Variants in LRRIQ1 observed in about 807,000 individuals in gnomAD.
LRRIQ1 encodes leucine rich repeats and IQ motif containing 1.
Under a neutral mutation model 211.9 loss-of-function variants are expected in LRRIQ1, and 210 were observed. The observed-to-expected ratio is 0.99, with a 90% CI of 0.89 to 1.11. LRRIQ1 has a LOEUF of 1.11. Among genes scored for constraint, LRRIQ1 ranks in the 50% most tolerant of loss-of-function variants. The pLI is 0.00. For synonymous variants in LRRIQ1, 699 were observed against 650.1 expected (o/e 1.08, Z -1.14); for missense variants, 2,136 against 1,939.5 (o/e 1.10, Z -1.90).
intron 2 of LRRIQ1, 68 bp from the exon 3 acceptor site, chr12:85,040,422 T>C: frequency 1.1e-6 from 1 of 883,312 alleles, no homozygotes; most frequent in Non-Finnish European, 1.7e-6. Flanking sequence ...GAATGAAGGG[T>C]CCAAAATTTG....
rs1889243730 is a variant in LRRIQ1 at position 85,137,879 on chromosome 12, G to A, written c.4239G>A (p.Lys1413=). The change falls in exon 19 of 27, where the codon AAG becomes AAA. Residue 1413 remains lysine, a synonymous_variant. Coordinates refer to ENST00000393217, the MANE Select transcript of LRRIQ1 (RefSeq NM_001079910.2). The stretch of plus-strand genomic sequence containing the variant: ...TTTGGAAGGGCTTTATTTTGCGAAA[G>A]AAACTGACAACAGCTCTAGAGGCTA... The part of the protein sequence containing the change: ...QAVWKGFILR[K]KLTTALEAIK... 1.3e-6 allele frequency: 2 copies of A among 1,595,368 alleles called. No individual in the cohort carries two copies. The highest frequency in any genetic ancestry group is 1.7e-6 in the Non-Finnish European group (2 of 1,171,932).
chr12:85,254,265 T>G (rs1896027043), intron 1 of LRRIQ1, among the ~76,000 whole-genome samples: 1 of 152,094 alleles, frequency 6.6e-6, no homozygotes, highest in Non-Finnish European at 1.5e-5. Context: ...TCTTCATAAA[T>G]TATGCAGTCT....
At position 85,065,387 on chromosome 12, in the gene LRRIQ1, T is replaced by C; in HGVS notation, c.2517T>C (p.Cys839=). 4 of 1,609,566 alleles carry C rather than the reference T, an allele frequency of 2.5e-6. No individual in the cohort carries two copies. The highest frequency in any genetic ancestry group is 2.5e-6 in the Non-Finnish European group (3 of 1,177,280). The change falls in exon 9 of 27, where the codon TGT becomes TGC. Residue 839 remains cysteine (C), a synonymous_variant. Coordinates refer to ENST00000393217, the MANE Select transcript of LRRIQ1 (RefSeq NM_001079910.2). ...GLTSLHSLSN[C]KKLKYIDAQE... The stretch of plus-strand genomic sequence containing the variant: ...CTTCTTTGCACAGCCTGAGTAATTG[T>C]AAAAAACTTAAGTACATTGATGCAC...
At position 85,152,349 on chromosome 12, in the gene LRRIQ1, A is replaced by G; in HGVS notation, c.4399A>G (p.Asn1467Asp). The G allele has an allele frequency of 1.2e-6, 2 of 1,611,094 alleles. No homozygotes were observed. Among genetic ancestry groups the G allele is most frequent in the Non-Finnish European group, 1.7e-6 (2 of 1,178,168 alleles). ...RFPSQTLLLS[N>D]QLHWPKIPGN... ...CCCTTCACAAACACTGCTTCTTTCAAACCAGCTGCATTGGCCAAAGGTAAC... is the reference window on the plus strand; with the variant it reads ...CCCTTCACAAACACTGCTTCTTTCAGACCAGCTGCATTGGCCAAAGGTAAC... Residue 1467 changes from asparagine to aspartate, a missense_variant, in exon 20 of 27, where the codon AAC becomes GAC. Asn to Asp is a conservative substitution (Grantham distance 23). Transcript: ENST00000393217.
chr12:85,125,362 C>T (rs1015475089), intron 17 of LRRIQ1, among the ~76,000 whole-genome samples: 6 of 151,968 alleles, frequency 3.9e-5, no homozygotes, highest in Non-Finnish European at 8.8e-5. Flanking sequence ...ATCAAGTAAA[C>T]CCCCTTATAA....
At chr12:85,114,525 T>C (rs939575496) in intron 15 of LRRIQ1, among the ~76,000 whole-genome samples, 1 of 151,856 alleles carries the variant, frequency 6.6e-6, no homozygotes, top group African/African-American at 2.4e-5. Context: ...ACTTATTTTA[T>C]TGACTAAAAC....
chr12:85,229,440 T>C, intron 24 of LRRIQ1, 77 bp from the exon 25 acceptor site: 3 of 1,209,468 alleles, frequency 2.5e-6, no homozygotes, highest in Non-Finnish European at 3.4e-6. Context: ...TGATAAAATG[T>C]TTAGCACAGA....
intron 24 of LRRIQ1, among the ~76,000 whole-genome samples, chr12:85,190,823 G>T (rs891761921): frequency 2.6e-4 from 39 of 151,974 alleles, no homozygotes; most frequent in Middle Eastern, 3.4e-3. Flanking sequence ...GATAACTTCT[G>T]TTGCTGCTAA....
Position 85,098,672 on chromosome 12 carries a change from CT to C in LRRIQ1, c.3081+127del. 3 of 818,832 alleles carry C rather than the reference CT, an allele frequency of 3.7e-6. No homozygotes were observed. In the South Asian group the frequency reaches 6.5e-5, roughly 18 times the overall value. The allele number at this position is 818,832 out of a possible 1,614,324, so 50.7% of individuals were successfully genotyped here. ...TGTTCATTTTTCACCATGAAGTAAC[CT>C]TTATCAAGAATATTAAATATTATAC... On this transcript the variant is annotated intron_variant, in intron 12 of 26. Coordinates refer to ENST00000393217, the MANE Select transcript of LRRIQ1 (RefSeq NM_001079910.2).
chr12:85,055,742 A>G lies in LRRIQ1; in HGVS notation c.949A>G (p.Lys317Glu). ...IKEQIESKKRKAQEWKEKEAK... is the reference protein window; with the variant it reads ...IKEQIESKKREAQEWKEKEAK... ...AGAGCAAATTGAAAGTAAGAAAAGG[A>G]AAGCACAAGAGTGGAAGGAAAAGGA... Residue 317 changes from lysine to glutamate, a missense_variant, in exon 8 of 27, where the codon AAA (lysine) becomes GAA (glutamate). Physicochemically the swap from Lys to Glu is moderately conservative, Grantham distance 56. Coordinates refer to ENST00000393217, the MANE Select transcript of LRRIQ1 (RefSeq NM_001079910.2). 6.2e-7 allele frequency: 1 copy of G among 1,608,904 alleles called. No homozygotes were observed. Among genetic ancestry groups the G allele is most frequent in the Non-Finnish European group, 8.5e-7 (1 of 1,178,120 alleles).
At chr12:85,113,991 A>G (rs558821192) in intron 15 of LRRIQ1, among the ~76,000 whole-genome samples, 4 of 150,702 alleles carry the variant, frequency 2.7e-5, no homozygotes, top group African/African-American at 7.4e-5. Flanking sequence ...TGCACTGGGT[A>G]TAGGACCCCC....
rs112324259 is a variant in LRRIQ1, at chr12:85,098,920, C to T, written c.3135C>T (p.Asn1045=). Residue 1045 remains asparagine (N), a synonymous_variant, in exon 13 of 27, where the codon AAC becomes AAT. Coordinates refer to ENST00000393217, the MANE Select transcript of LRRIQ1 (RefSeq NM_001079910.2). ...TAAGAGAATTGCACTTGGATGATAA[C>T]AGCATTTCAACTGTGGAAGCATTTT... ...VLLRELHLDD[N]SISTVEAFSS... 4.5e-6 allele frequency: 7 copies of T among 1,572,850 alleles called. No individual in the cohort carries two copies. The highest frequency in any genetic ancestry group is 2.7e-5 in the African/African-American group (2 of 73,182).
chr12:85,164,850 T>C (rs1891072253), intron 24 of LRRIQ1, among the ~76,000 whole-genome samples: 1 of 152,260 alleles, frequency 6.6e-6, no homozygotes, highest in Non-Finnish European at 1.5e-5. Context: ...CAGGTAACCA[T>C]GAAATTTATA....
intron 26 of LRRIQ1, among the ~76,000 whole-genome samples, chr12:85,243,476 C>T (rs1277201609): frequency 1.3e-5 from 2 of 150,366 alleles, no homozygotes; most frequent in African/African-American, 2.4e-5. Context: ...TATTACTTAG[C>T]CAGTTACATT....
At chr12:85,159,415 A>G (rs1592902675) in intron 23 of LRRIQ1, 1 of 152,126 alleles carries the variant, frequency 6.6e-6, no homozygotes, top group African/African-American at 2.4e-5. Context: ...TCTGTGGTTG[A>G]GAACCTACAC....
At chr12:85,115,627 G>T (rs539373660) in intron 15 of LRRIQ1, among the ~76,000 whole-genome samples, 1 of 152,204 alleles carries the variant, frequency 6.6e-6, no homozygotes, top group South Asian at 2.1e-4. Flanking sequence ...AATATTGGAT[G>T]TAATATTTAT....
In LRRIQ1 at chr12:85,137,979, A is replaced by AACTATAGTATATAAAT. The variant is rs758493596; in HGVS notation, c.4329+12_4329+27dup. ...TTTTATATTTGATGAAGTAAGTACG[A>AACTATAGTATATAAAT]ACTATAGTATATAAATATTGGTCTT... On this transcript the variant is annotated intron_variant, in intron 19 of 26. Transcript: ENST00000393217. 1,338 of 1,317,222 alleles carry AACTATAGTATATAAAT rather than the reference A, an allele frequency of 1.0e-3. 1 individual carries two copies. The highest frequency in any genetic ancestry group is 1.8e-3 in the Admixed American group (87 of 47,580). 81.6% of individuals were successfully genotyped at this position (1,317,222 alleles called of 1,614,324 possible). A position where few individuals can be genotyped will look rare whatever the true frequency, so the allele number is the denominator to read the frequency against.
chr12:85,116,211 C>T (rs1178518929), intron 15 of LRRIQ1, among the ~76,000 whole-genome samples: 1 of 152,142 alleles, frequency 6.6e-6, no homozygotes, highest in Non-Finnish European at 1.5e-5. Context: ...GGCGCGATCT[C>T]GGCTCACTGC....
chr12:85,158,051 T>G (rs1459715212), intron 23 of LRRIQ1, among the ~76,000 whole-genome samples: 1 of 151,894 alleles, frequency 6.6e-6, no homozygotes, highest in African/African-American at 2.4e-5. Context: ...GTTTACCACA[T>G]CAATTTTCAG....
Sources: gnomAD v4.1 joint callset for allele counts (sites outside exome capture counted in the v4.1 genomes callset) on GRCh38, gnomAD v4.1.1 for gene constraint, MANE v1.5 for transcripts, NCBI Gene and HGNC (gene_info 2026-07-23, HGNC 2026-07-21) for gene names.